RFC1: variants seen among roughly 807,000 people sequenced by gnomAD.
RFC1 encodes replication factor C subunit 1, also known as A1 140 kDa subunit.
RFC1 carries 37 observed loss-of-function variants against 137.4 expected under a neutral mutation model. That is an observed-to-expected ratio of 0.27 (90% CI 0.21 to 0.35). RFC1 has a LOEUF of 0.35. Among genes scored for constraint, RFC1 ranks in the 10% least tolerant of loss-of-function variants. The pLI, the probability that RFC1 is intolerant of heterozygous loss-of-function variation, is 1.00. For missense variants in RFC1, 1,205 were observed against 1,358.5 expected, an observed-to-expected ratio of 0.89 and a Z score of 1.78; for synonymous variants, 429 against 455.7, an observed-to-expected ratio of 0.94 and a Z score of 0.75.
chr4:39,318,404 ACGATTAATT>A (rs1229825669), intron 9 of RFC1, among the ~76,000 whole-genome samples: 1 of 152,214 alleles, frequency 6.6e-6, no homozygotes, highest in African/African-American at 2.4e-5. Flanking sequence ...ACATGGAAAA[ACGATTAATT>A]TACGACACTC....
chr4:39,319,158 G>A (rs746031108), intron 9 of RFC1, among the ~76,000 whole-genome samples: 1 of 152,084 alleles, frequency 6.6e-6, no homozygotes, highest in Non-Finnish European at 1.5e-5. Context: ...TAGGTCCCAG[G>A]CACTGCTCTA....
chr4:39,293,111 C>T (rs539822726), intron 22 of RFC1, among the ~76,000 whole-genome samples: 2 of 152,200 alleles, frequency 1.3e-5, no homozygotes, highest in African/African-American at 2.4e-5. Flanking sequence ...CTAGACTCAC[C>T]CTCGCAACTA....
chr4:39,342,576 CAT>C (rs1236509785), intron 3 of RFC1, 109 bp from the exon 4 acceptor site: 8 of 1,061,372 alleles, frequency 7.5e-6, no homozygotes, highest in Middle Eastern at 2.3e-4. Context: ...TTTCAAGGCA[CAT>C]GTCTTCTGTG....
At chr4:39,338,484 A>G (rs1740462174) in intron 4 of RFC1, among the ~76,000 whole-genome samples, 1 of 152,248 alleles carries the variant, frequency 6.6e-6, no homozygotes, top group East Asian at 1.9e-4. Context: ...TTTTAAAAGT[A>G]GAAAGAAACA....
chr4:39,291,024 C>A (rs17335542), intron 23 of RFC1, among the ~76,000 whole-genome samples: 1 of 152,088 alleles, frequency 6.6e-6, no homozygotes, highest in South Asian at 2.1e-4. Context: ...TACTGATAAC[C>A]ATAAAGTCGG....
intron 21 of RFC1, chr4:39,295,975 A>G: frequency 2.5e-6 from 1 of 393,696 alleles, no homozygotes; most frequent in Non-Finnish European, 4.5e-6. Flanking sequence ...TTGATCCAAC[A>G]TGTTATGGCC....
chr4:39,339,002 ATTC>A (rs1253363326), intron 4 of RFC1, among the ~76,000 whole-genome samples: 1 of 152,054 alleles, frequency 6.6e-6, no homozygotes, highest in Non-Finnish European at 1.5e-5. Context: ...ATCATGCAAT[ATTC>A]TTCTTTCTGT....
At chr4:39,309,148 G>T in intron 12 of RFC1, 116 bp from the exon 13 acceptor site, 1 of 1,103,118 alleles carries the variant, frequency 9.1e-7, no homozygotes, top group Non-Finnish European at 1.3e-6. Flanking sequence ...ACTCAACCTG[G>T]GCTGGTCTTT....
chr4:39,317,363 TATC>T (rs1332250195), intron 9 of RFC1, among the ~76,000 whole-genome samples: 5 of 152,238 alleles, frequency 3.3e-5, no homozygotes, highest in Admixed American at 2.0e-4. Flanking sequence ...TATATCCATA[TATC>T]CATGTTTAAC....
intron 21 of RFC1, among the ~76,000 whole-genome samples, chr4:39,296,887 T>C (rs1170739664): frequency 6.6e-6 from 1 of 151,258 alleles, no homozygotes; most frequent in Non-Finnish European, 1.5e-5. Context: ...AAAGTGTTCC[T>C]ATTTCTCCAC....
At chr4:39,354,972 C>T (rs578030076) in intron 1 of RFC1, among the ~76,000 whole-genome samples, 1 of 151,332 alleles carries the variant, frequency 6.6e-6, no homozygotes, top group African/African-American at 2.4e-5. Context: ...ATCCTAGCTA[C>T]TCAGGGGGCT....
intron 1 of RFC1, among the ~76,000 whole-genome samples, chr4:39,357,886 C>T (rs1266439722): frequency 6.6e-6 from 1 of 151,998 alleles, no homozygotes; most frequent in Non-Finnish European, 1.5e-5. Context: ...GGATTACAGG[C>T]ATGAGCCACA....
Position 39,323,164 on chromosome 4 carries a change from C to T in RFC1, c.720+176G>A, listed in dbSNP as rs11942356. 3.8e-3 allele frequency: 1,607 copies of T among 425,644 alleles called. 22 individuals are homozygous for T. The highest frequency in any genetic ancestry group is 0.027 in the African/African-American group (1,328 of 48,950). The allele number at this position is 425,644 out of a possible 1,614,324, so 26.4% of individuals were successfully genotyped here. On this transcript the variant is annotated intron_variant, in intron 7 of 24. Transcript: ENST00000349703. ...GTTCTGGTTTGTTTTGATGCCGTCA[C>T]CCTTCTTTTAAGAAGAATAAGTTTC...
At position 39,295,631 on chromosome 4, in the gene RFC1, G is replaced by C. The variant is rs750191093; in HGVS notation, c.2937C>G (p.Ala979=). Residue 979 remains alanine, a synonymous_variant, in exon 22 of 25, where the codon GCC becomes GCG. Coordinates refer to ENST00000349703, the MANE Select transcript of RFC1 (RefSeq NM_002913.5). Reference sequence around the variant, plus strand: ...CCACCTACCTGAGACTCATATGCAAGGCCAGGTCCTGAACAATACGATCAT... The same window carrying C: ...CCACCTACCTGAGACTCATATGCAACGCCAGGTCCTGAACAATACGATCAT... The part of the protein sequence containing the change: ...GKHDRIVQDL[A]LHMSLRTYSS... 1 of 1,607,752 alleles carries C rather than the reference G, an allele frequency of 6.2e-7. No individual in the cohort carries two copies. Among genetic ancestry groups the C allele is most frequent in the South Asian group, 1.1e-5 (1 of 89,780 alleles).
intron 19 of RFC1, among the ~76,000 whole-genome samples, 175 bp downstream of exon 19, chr4:39,302,103 G>GA (rs1465525553): frequency 7.9e-5 from 12 of 152,090 alleles, no homozygotes; most frequent in African/African-American, 2.4e-4. Context: ...CAATCTTTGA[G>GA]AAAAAAATCA....
At chr4:39,289,529 C>G (rs551447111) in intron 24 of RFC1, 1 of 236,432 alleles carries the variant, frequency 4.2e-6, no homozygotes, top group East Asian at 1.1e-4. Context: ...ACATAAGCAA[C>G]AGAAGAAACT....
intron 4 of RFC1, chr4:39,341,501 AT>A: frequency 2.4e-6 from 1 of 416,810 alleles, no homozygotes; most frequent in South Asian, 1.7e-5. Context: ...TGTCTTTGAT[AT>A]TTTGAACAGT....
chr4:39,354,033 C>A (rs1439464376), intron 1 of RFC1, among the ~76,000 whole-genome samples: 1 of 152,166 alleles, frequency 6.6e-6, no homozygotes, highest in African/African-American at 2.4e-5. Flanking sequence ...ACTGTTACAC[C>A]ATTTCCTCCC....
chr4:39,349,183 G>A (rs991473873), intron 2 of RFC1, among the ~76,000 whole-genome samples: 2 of 152,144 alleles, frequency 1.3e-5, no homozygotes, highest in African/African-American at 4.8e-5. Context: ...TTAAGACTTT[G>A]GGGGCTGTTA....
Sources: allele counts gnomAD v4.1 joint callset (sites outside exome capture counted in the v4.1 genomes callset), GRCh38; gene constraint gnomAD v4.1.1; transcripts MANE v1.5; gene names NCBI Gene and HGNC (gene_info 2026-07-23, HGNC 2026-07-21).